The following CASP10 variants were observed in gnomAD, a reference collection of about 807,000 sequenced individuals.
The protein encoded by CASP10 is caspase-10.
In CASP10, 41 loss-of-function variants were observed where a neutral mutation model predicts 48.5. The observed-to-expected ratio is 0.85, with a 90% CI of 0.66 to 1.10. The LOEUF is 1.10. CASP10 is among the 50% of genes least tolerant of loss of function. The probability of loss-of-function intolerance (pLI) is 0.00; values close to 1 mark genes in which losing one functional copy is unlikely to be tolerated. For missense variants in CASP10, 614 were observed against 614.5 expected, an observed-to-expected ratio of 1.00 and a Z score of 0.01; for synonymous variants, 232 against 238.4, an observed-to-expected ratio of 0.97 and a Z score of 0.25.
chr2:201,196,058 T>G, intron 5 of CASP10, 110 bp downstream of exon 5: 1 of 739,070 alleles, frequency 1.4e-6, no homozygotes, highest in Non-Finnish European at 2.4e-6. Context: ...GTTTGTACCA[T>G]TTATTGTAAA....
chr2:201,224,359 T>G (rs1012060205), downstream of CASP10, among the ~76,000 whole-genome samples: 1 of 152,254 alleles, frequency 6.6e-6, no homozygotes, highest in Admixed American at 6.5e-5. Context: ...AAAGATTTAC[T>G]TATTTGGCAA....
At chr2:201,201,483 C>A (rs908903081) in intron 5 of CASP10, among the ~76,000 whole-genome samples, 2 of 152,116 alleles carry the variant, frequency 1.3e-5, no homozygotes, top group African/African-American at 4.8e-5. Flanking sequence ...AACACACACA[C>A]ACACACACAC....
chr2:201,221,001 G>A lies in CASP10; in HGVS notation c.*3260G>A. 2.0e-6 allele frequency: 2 copies of A among 985,378 alleles called. No homozygotes were observed. The highest frequency in any genetic ancestry group is 4.7e-5 in the South Asian group (1 of 21,288). 61.0% of individuals were successfully genotyped at this position (985,378 alleles called of 1,614,324 possible). Reference sequence around the variant, plus strand: ...AAGTAGAGAAAACATTAGCTGTTGGGAAGACGAAAAAGAATGTGTCCTATG... The same window carrying A: ...AAGTAGAGAAAACATTAGCTGTTGGAAAGACGAAAAAGAATGTGTCCTATG... On this transcript the variant is annotated 3_prime_UTR_variant, in exon 10 of 10. Transcript: ENST00000286186.
chr2:201,209,557 C>A lies in CASP10; in HGVS notation c.1410C>A (p.Val470=), dbSNP rs1945328887. 2 of 1,605,240 alleles carry A rather than the reference C, an allele frequency of 1.2e-6. No individual in the cohort carries two copies. Among genetic ancestry groups the A allele is most frequent in the Middle Eastern group, 1.7e-4 (1 of 6,012 alleles). The change falls in exon 9 of 10, where the codon GTC becomes GTA. Residue 470 remains valine, a synonymous_variant. Transcript: ENST00000286186. ...QSLCNHLKKL[V]PRHEDILSIL... Reference sequence around the variant, plus strand: ...TGTGTAATCATCTGAAGAAATTGGTCCCAAGGTGAGAGCTCTTTTTTTTCT... The same window carrying A: ...TGTGTAATCATCTGAAGAAATTGGTACCAAGGTGAGAGCTCTTTTTTTTCT...
downstream of CASP10, among the ~76,000 whole-genome samples, chr2:201,222,515 T>A (rs1945738653): frequency 6.6e-6 from 1 of 152,264 alleles, no homozygotes; most frequent in Non-Finnish European, 1.5e-5. Flanking sequence ...ATTCATTCTT[T>A]CTTTCATAAA....
At chr2:201,192,956 A>G in intron 3 of CASP10, 28 bp from the exon 4 acceptor site, 1 of 1,610,700 alleles carries the variant, frequency 6.2e-7, no homozygotes, top group Non-Finnish European at 8.5e-7. Context: ...ATAGGCAAGT[A>G]AATGTAACTC....
downstream of CASP10, among the ~76,000 whole-genome samples, chr2:201,223,971 TTTC>T (rs1453224613): frequency 1.3e-3 from 203 of 150,922 alleles, 4 homozygotes; most frequent in African/African-American, 4.9e-3. Flanking sequence ...ATGGAACTCT[TTTC>T]TTTTTTTTTT....
intron 9 of CASP10, among the ~76,000 whole-genome samples, chr2:201,217,361 T>A (rs1158505915): frequency 2.6e-5 from 4 of 152,064 alleles, no homozygotes; most frequent in Admixed American, 1.3e-4. Context: ...AGGTCAGGGG[T>A]TCGAGACCAG....
chr2:201,219,753 A>G lies in CASP10; in HGVS notation c.*2012A>G. The G allele has an allele frequency of 2.1e-6, 2 of 973,018 alleles. No homozygotes were observed. The highest frequency in any genetic ancestry group is 2.4e-6 in the Non-Finnish European group (2 of 826,468). The allele number at this position is 973,018 out of a possible 1,614,324, so 60.3% of individuals were successfully genotyped here. A position where few individuals can be genotyped will look rare whatever the true frequency, so the allele number is the denominator to read the frequency against. The stretch of plus-strand genomic sequence containing the variant: ...TTCTAGAGGAACTTTTTCTCTGTTA[A>G]TTCCTGGAACTGTATTTTGAATCCT... On this transcript the variant is annotated 3_prime_UTR_variant, in exon 10 of 10. Transcript: ENST00000286186.
intron 2 of CASP10, 178 bp downstream of exon 2, chr2:201,186,302 A>G: frequency 1.7e-6 from 1 of 605,476 alleles, no homozygotes; most frequent in Non-Finnish European, 3.0e-6. Flanking sequence ...AAGAGTTGGG[A>G]GGTCAGCAAA....
Position 201,193,283 on chromosome 2 carries a change from C to G in CASP10, c.577+164C>G, listed in dbSNP as rs1260919770. 11 of 615,664 alleles carry G rather than the reference C, an allele frequency of 1.8e-5. No homozygotes were observed. In the East Asian group the frequency reaches 3.0e-4, roughly 17 times the overall value. 38.1% of individuals were successfully genotyped at this position (615,664 alleles called of 1,614,324 possible). ...AGTGCAGTGGTGTGATCTTGGCTCA[C>G]TGAAACCTCCGCCTCCCGGGTTCAA... On this transcript the variant is annotated intron_variant, in intron 4 of 9. Coordinates refer to ENST00000286186, the MANE Select transcript of CASP10 (RefSeq NM_032977.4).
At chr2:201,214,730 C>T (rs2126057406) in intron 9 of CASP10, 1 of 152,200 alleles carries the variant, frequency 6.6e-6, no homozygotes, top group African/African-American at 2.4e-5. Context: ...CAAAGCAAGG[C>T]CTACCCTGGC....
At chr2:201,194,212 G>A (rs1944712366) in intron 4 of CASP10, among the ~76,000 whole-genome samples, 1 of 152,100 alleles carries the variant, frequency 6.6e-6, no homozygotes, top group Middle Eastern at 3.4e-3. Context: ...GCCTTACCAC[G>A]TGTCAGTACG....
downstream of CASP10, among the ~76,000 whole-genome samples, chr2:201,222,257 C>T (rs1240810431): frequency 6.7e-6 from 1 of 148,842 alleles, no homozygotes; most frequent in Non-Finnish European, 1.5e-5. Context: ...CGCTCTCTCA[C>T]CCAGGCTAGA....
At position 201,217,637 on chromosome 2, in the gene CASP10, CG is replaced by C; in HGVS notation, c.1466del (p.Arg489GlnfsTer19). On this transcript the variant is annotated frameshift_variant, in exon 10 of 10. Coordinates refer to ENST00000286186, the MANE Select transcript of CASP10 (RefSeq NM_032977.4). LOFTEE classifies it low-confidence loss of function (END_TRUNC). ...CACTGCTGTCAACGATGATGTGAGT[CG>C]AAGAGTGGACAAACAGGGAACAAAG... Reference protein sequence around the residue: ...ILTAVNDDVSRRVDKQGTKKQ... With the variant: ...ILTAVNDDVSXRVDKQGTKKQ... 6.2e-7 allele frequency: 1 copy of C among 1,614,126 alleles called. No individual in the cohort carries two copies. Among genetic ancestry groups the C allele is most frequent in the African/African-American group, 1.3e-5 (1 of 75,038 alleles).
At chr2:201,193,215 T>C in intron 4 of CASP10, 96 bp downstream of exon 4, 2 of 1,354,336 alleles carry the variant, frequency 1.5e-6, no homozygotes, top group Middle Eastern at 3.7e-4. Context: ...TTGTTTTGTT[T>C]TGTTTTGAGG....
chr2:201,217,469 G>A lies in CASP10; in HGVS notation c.1416-119G>A, dbSNP rs1945606098. On this transcript the variant is annotated intron_variant, in intron 9 of 9. Coordinates refer to ENST00000286186, the MANE Select transcript of CASP10 (RefSeq NM_032977.4). ...AGCTACTCGGGAGGCTGAGGCATGA[G>A]AATCACTTGAATCCAGGAGGTGGAG... is the stretch of plus-strand genomic sequence containing the variant. The A allele has an allele frequency of 1.7e-5, 12 of 694,976 alleles. No individual in the cohort carries two copies. The East Asian group carries it at 3.2e-4, about 19-fold the overall frequency. The allele number at this position is 694,976 out of a possible 1,614,324, so 43.1% of individuals were successfully genotyped here.
At chr2:201,186,228 A>G (rs537898689) in intron 2 of CASP10, 104 bp downstream of exon 2, 14 of 807,710 alleles carry the variant, frequency 1.7e-5, no homozygotes, top group African/African-American at 3.4e-5. Flanking sequence ...TTGGTTATCT[A>G]CCTCCTTGGA....
At chr2:201,229,240 A>T (rs1303623736) in exon 10 of CASP10, 6 of 793,952 alleles carry the variant, frequency 7.6e-6, no homozygotes, top group Admixed American at 2.1e-5. Context: ...CTGTTCCCTT[A>T]CTGTTTCACG....
Sources: gnomAD v4.1 joint callset for allele counts (sites outside exome capture counted in the v4.1 genomes callset) on GRCh38, gnomAD v4.1.1 for gene constraint, MANE v1.5 for transcripts, NCBI Gene and HGNC (gene_info 2026-07-23, HGNC 2026-07-21) for gene names.